ADAMTSL4: variants seen among roughly 807,000 people sequenced by gnomAD.
The protein encoded by ADAMTSL4 is ADAMTS like 4.
In ADAMTSL4, 97 loss-of-function variants were observed where a neutral mutation model predicts 122.8. The ratio of observed to expected loss-of-function variants is 0.79; its 90% CI spans 0.67 to 0.93. The LOEUF (loss-of-function observed/expected upper bound fraction) is 0.93. ADAMTSL4 is among the 40% of genes least tolerant of loss of function. The probability of loss-of-function intolerance (pLI) is 0.00; values close to 1 mark genes in which losing one functional copy is unlikely to be tolerated. For missense variants in ADAMTSL4, 1,408 were observed against 1,453.5 expected (o/e 0.97, Z 0.51); for synonymous variants, 592 against 568.0 (o/e 1.04, Z -0.60).
chr1:150,560,342 C>G lies in ADAMTSL4; in HGVS notation c.*146C>G, dbSNP rs1422441411. 1 of 1,299,818 alleles carries G rather than the reference C, an allele frequency of 7.7e-7. No individual in the cohort carries two copies. The highest frequency in any genetic ancestry group is 2.5e-5 in the East Asian group (1 of 39,536). The allele number at this position is 1,299,818 out of a possible 1,614,324, so 80.5% of individuals were successfully genotyped here. A position where few individuals can be genotyped will look rare whatever the true frequency, so the allele number is the denominator to read the frequency against. On this transcript the variant is annotated 3_prime_UTR_variant, in exon 19 of 19. Transcript: ENST00000271643. Reference sequence around the variant, plus strand: ...ACAGAGGGTGGCAAGGTGACTGACACAAAGTGACTTTCAGGGCTGTGGTCA... The same window carrying G: ...ACAGAGGGTGGCAAGGTGACTGACAGAAAGTGACTTTCAGGGCTGTGGTCA...
At position 150,558,962 on chromosome 1, in the gene ADAMTSL4, T is replaced by C. The variant is rs1469897939; in HGVS notation, c.2560T>C (p.Cys854Arg). 1.2e-6 allele frequency: 2 copies of C among 1,605,958 alleles called. No homozygotes were observed. The highest frequency in any genetic ancestry group is 1.7e-6 in the Non-Finnish European group (2 of 1,177,892). Residue 854 changes from cysteine (C) to arginine (R), a missense_variant and splice_region_variant, in exon 16 of 19, where the codon TGC becomes CGC. Physicochemically the swap from Cys to Arg is radical, Grantham distance 180. Coordinates refer to ENST00000271643, the MANE Select transcript of ADAMTSL4 (RefSeq NM_019032.6). ...CACAGGCCGCTCTCCTCCTCCGCAG[T>C]GCTCAGCCGAGTGTGGGACGGGAAT... ...AWFHSDWSSK[C>R]SAECGTGIQR...
chr1:150,552,340 G>A lies in ADAMTSL4; in HGVS notation c.20+32G>A, dbSNP rs748533633. 2.4e-5 allele frequency: 37 copies of A among 1,552,544 alleles called. No individual in the cohort carries two copies. In the African/African-American group the frequency reaches 4.9e-4, roughly 21 times the overall value. ...GAAGGGGCCACGGGTTGGGGGGGAG[G>A]AAAAGGGGAGGTGCTGGGATGGCTC... On this transcript the variant is annotated intron_variant, in intron 3 of 18. Transcript: ENST00000271643. This position sits in a 1 kb window ranked among gnomAD's most constrained non-coding sequence, Gnocchi z 4.0.
chr1:150,558,576 A>C lies in ADAMTSL4; in HGVS notation c.2486A>C (p.Gln829Pro). ...SEQECASGPP[Q>P]PPSREACDMG... ...CAGGAGTGTGCGTCAGGCCCCCCGC[A>C]GCCCCCCAGCAGAGAGGCCTGTGAC... Residue 829 changes from glutamine to proline, a missense_variant, in exon 15 of 19, where the codon CAG becomes CCG. Transcript: ENST00000271643. 1 of 1,613,150 alleles carries C rather than the reference A, an allele frequency of 6.2e-7. No homozygotes were observed. Among genetic ancestry groups the C allele is most frequent in the Non-Finnish European group, 8.5e-7 (1 of 1,179,296 alleles).
chr1:150,553,985 C>T lies in ADAMTSL4; in HGVS notation c.994C>T (p.Pro332Ser). 6.2e-7 allele frequency: 1 copy of T among 1,611,694 alleles called. No individual in the cohort carries two copies. Among genetic ancestry groups the T allele is most frequent in the Non-Finnish European group, 8.5e-7 (1 of 1,179,452 alleles). ...TPHGPRLEPD[P>S]QHPGAWLPLL... ...TCACGGGCCCCGCCTGGAGCCTGAC[C>T]CTCAGCACCCGGGCGCCTGGCTGCC... The change falls in exon 6 of 19, where the codon CCT becomes TCT. Residue 332 changes from proline (P) to serine (S), a missense_variant. Coordinates refer to ENST00000271643, the MANE Select transcript of ADAMTSL4 (RefSeq NM_019032.6).
At position 150,552,698 on chromosome 1, in the gene ADAMTSL4, C is replaced by T. The variant is rs1671547697; in HGVS notation, c.78+98C>T. 1.4e-6 allele frequency: 2 copies of T among 1,478,126 alleles called. No individual in the cohort carries two copies. Among genetic ancestry groups the T allele is most frequent in the Non-Finnish European group, 9.3e-7 (1 of 1,080,868 alleles). The allele number at this position is 1,478,126 out of a possible 1,614,324, so 91.6% of individuals were successfully genotyped here. A position where few individuals can be genotyped will look rare whatever the true frequency, so the allele number is the denominator to read the frequency against. ...CTCTCCAGGCCACGCCTCCATTCCCCACAGCCCACCCACCTCCCCTGCCAA... is the reference window on the plus strand; with the variant it reads ...CTCTCCAGGCCACGCCTCCATTCCCTACAGCCCACCCACCTCCCCTGCCAA... On this transcript the variant is annotated intron_variant, in intron 4 of 18. Coordinates refer to ENST00000271643, the MANE Select transcript of ADAMTSL4 (RefSeq NM_019032.6). This position sits in a 1 kb window ranked among gnomAD's most constrained non-coding sequence, Gnocchi z 4.0.
At position 150,557,240 on chromosome 1, in the gene ADAMTSL4, T is replaced by C. The variant is rs755834546; in HGVS notation, c.1952T>C (p.Met651Thr). ...CAGCGTCAGGTGCGGATCCCCCAGA[T>C]GCCCGCCCCGCCCCATCCCAGGACA... ...TLQRQVRIPQ[M>T]PAPPHPRTPL... The change falls in exon 12 of 19, where the codon ATG becomes ACG. Residue 651 changes from methionine (M) to threonine (T), a missense_variant. By Grantham distance (81) the Met-to-Thr change is moderately conservative. Coordinates refer to ENST00000271643, the MANE Select transcript of ADAMTSL4 (RefSeq NM_019032.6). The C allele has an allele frequency of 6.2e-7, 1 of 1,610,276 alleles. No individual in the cohort carries two copies. Among genetic ancestry groups the C allele is most frequent in the Non-Finnish European group, 8.5e-7 (1 of 1,178,830 alleles).
At position 150,558,971 on chromosome 1, in the gene ADAMTSL4, G is replaced by A. The variant is rs201050879; in HGVS notation, c.2569G>A (p.Glu857Lys). ...CTCTCCTCCTCCGCAGTGCTCAGCC[G>A]AGTGTGGGACGGGAATCCAGCGGCG... ...HSDWSSKCSA[E>K]CGTGIQRRSV... Residue 857 changes from glutamate (E) to lysine (K), a missense_variant, in exon 16 of 19, where the codon GAG (glutamate) becomes AAG (lysine). Transcript: ENST00000271643. 153 of 1,608,602 alleles carry A rather than the reference G, an allele frequency of 9.5e-5. No homozygotes were observed. Among genetic ancestry groups the A allele is most frequent in the Admixed American group, 3.5e-4 (21 of 59,286 alleles).
In ADAMTSL4 at chr1:150,552,548, G is replaced by C. The variant is rs367669399; in HGVS notation, c.26G>C (p.Trp9Ser). Residue 9 changes from tryptophan (W) to serine (S), a missense_variant, in exon 4 of 19, where the codon TGG becomes TCG. By Grantham distance (177) the Trp-to-Ser change is radical. Transcript: ENST00000271643. The surrounding 1 kb of genome is among the most constrained non-coding windows in gnomAD (Gnocchi z 4.0). MENWTGRP[W>S]LYLLLLLSLP... ...CCCTGGCCTTTGGTTTGCAGGCCCT[G>C]GCTGTATCTGCTGCTGCTTCTGTCC... 9.9e-6 allele frequency: 16 copies of C among 1,613,906 alleles called. No homozygotes were observed. In the African/African-American group the frequency reaches 1.7e-4, roughly 18 times the overall value.
rs1671822970 is a variant in ADAMTSL4 at position 150,554,641 on chromosome 1, G to A, written c.1234+174G>A. On this transcript the variant is annotated intron_variant, in intron 7 of 18. Transcript: ENST00000271643. This position sits in a 1 kb window ranked among gnomAD's most constrained non-coding sequence, Gnocchi z 4.0. The stretch of plus-strand genomic sequence containing the variant: ...TCAGGAGACAGCACAGGTGGTGAGT[G>A]GTCTGCAGAAGGGTCGGGGTGGGAG... 1.3e-6 allele frequency: 2 copies of A among 1,541,432 alleles called. No individual in the cohort carries two copies. Among genetic ancestry groups the A allele is most frequent in the Non-Finnish European group, 1.7e-6 (2 of 1,146,942 alleles).
Position 150,552,614 on chromosome 1 carries a change from A to G in ADAMTSL4, c.78+14A>G. ...TTGGATCAGGAGGTGAGTTCTGGAC[A>G]AGTGAGCAGCTGCAGCCTGCCTGCC... On this transcript the variant is annotated intron_variant, in intron 4 of 18. Transcript: ENST00000271643. This position sits in a 1 kb window ranked among gnomAD's most constrained non-coding sequence, Gnocchi z 4.0. 1 of 1,611,650 alleles carries G rather than the reference A, an allele frequency of 6.2e-7. No individual in the cohort carries two copies. The highest frequency in any genetic ancestry group is 8.5e-7 in the Non-Finnish European group (1 of 1,179,192).
At chr1:150,555,380 A>G (rs1671917293) in intron 7 of ADAMTSL4, 49 bp from the exon 8 acceptor site, 1 of 1,610,978 alleles carries the variant, frequency 6.2e-7, no homozygotes, top group East Asian at 2.2e-5. Context: ...TCTCTCAGCT[A>G]ACCTCCCACC....
In ADAMTSL4 at chr1:150,556,771, C is replaced by T. The variant is rs1349207325; in HGVS notation, c.1727C>T (p.Thr576Ile). 1 of 1,613,344 alleles carries T rather than the reference C, an allele frequency of 6.2e-7. No individual in the cohort carries two copies. The highest frequency in any genetic ancestry group is 1.1e-5 in the South Asian group (1 of 91,072). Residue 576 changes from threonine (T) to isoleucine (I), a missense_variant, in exon 10 of 19, where the codon ACC becomes ATC. Transcript: ENST00000271643. This position sits in a 1 kb window ranked among gnomAD's most constrained non-coding sequence, Gnocchi z 4.1. ...GAGAGTCTGTCGGCTGAAGGCCCCA[C>T]CACCCAGCCTGTGGATGTCTATGTG... ...KGESLSAEGPTTQPVDVYMIF... is the reference protein window; with the variant it reads ...KGESLSAEGPITQPVDVYMIF...
rs1019410473 is a variant in ADAMTSL4, at chr1:150,554,802, G to C, written c.1234+335G>C. The C allele has an allele frequency of 5.4e-6, 4 of 737,680 alleles. No homozygotes were observed. The Admixed American group carries it at 1.1e-4, about 20-fold the overall frequency. The allele number at this position is 737,680 out of a possible 1,614,324, so 45.7% of individuals were successfully genotyped here. On this transcript the variant is annotated intron_variant, in intron 7 of 18. Coordinates refer to ENST00000271643, the MANE Select transcript of ADAMTSL4 (RefSeq NM_019032.6). This position sits in a 1 kb window ranked among gnomAD's most constrained non-coding sequence, Gnocchi z 4.0. The stretch of plus-strand genomic sequence containing the variant: ...TGACAGCCAGGTGGGGGTGTGCCAC[G>C]CATCCTGGGCACTGTCGTATCGGTT...
rs1230081191 is a variant in ADAMTSL4 at position 150,549,979 on chromosome 1, C to T, written c.-85+84C>T. On this transcript the variant is annotated intron_variant, in intron 2 of 18. Transcript: ENST00000271643. This position sits in a 1 kb window ranked among gnomAD's most constrained non-coding sequence, Gnocchi z 5.0. ...CACCTGTTGGGGTGGCCTGCCAGAC[C>T]CAGGAGTGGAGGGCTCTGAGGGCCC... 3 of 218,862 alleles carry T rather than the reference C, an allele frequency of 1.4e-5. No individual in the cohort carries two copies. Among genetic ancestry groups the T allele is most frequent in the South Asian group, 4.1e-5 (1 of 24,158 alleles). 13.6% of individuals were successfully genotyped at this position (218,862 alleles called of 1,614,324 possible).
At position 150,552,976 on chromosome 1, in the gene ADAMTSL4, T is replaced by C; in HGVS notation, c.157T>C (p.Trp53Arg). The change falls in exon 5 of 19, where the codon TGG becomes CGG. Residue 53 changes from tryptophan to arginine, a missense_variant. Coordinates refer to ENST00000271643, the MANE Select transcript of ADAMTSL4 (RefSeq NM_019032.6). The surrounding 1 kb of genome is among the most constrained non-coding windows in gnomAD (Gnocchi z 4.0). ...PEGVWGPWVQWASCSQPCGVG... is the reference protein window; with the variant it reads ...PEGVWGPWVQRASCSQPCGVG... The stretch of plus-strand genomic sequence containing the variant: ...AGGTGTCTGGGGACCTTGGGTCCAG[T>C]GGGCCTCTTGCTCCCAGCCCTGCGG... 1 of 1,613,182 alleles carries C rather than the reference T, an allele frequency of 6.2e-7. No homozygotes were observed. Among genetic ancestry groups the C allele is most frequent in the Non-Finnish European group, 8.5e-7 (1 of 1,179,958 alleles).
At position 150,556,051 on chromosome 1, in the gene ADAMTSL4, C is replaced by A; in HGVS notation, c.1372-111C>A. On this transcript the variant is annotated intron_variant, in intron 8 of 18. Transcript: ENST00000271643. This position sits in a 1 kb window ranked among gnomAD's most constrained non-coding sequence, Gnocchi z 4.1. ...GATGGTGGGGCTGTTTTTGTGCTCT[C>A]ACTTGTGGCACAAAAAGCAGGGTAG... 1 of 1,182,668 alleles carries A rather than the reference C, an allele frequency of 8.5e-7. No individual in the cohort carries two copies. The highest frequency in any genetic ancestry group is 1.2e-6 in the Non-Finnish European group (1 of 812,764). 73.3% of individuals were successfully genotyped at this position (1,182,668 alleles called of 1,614,324 possible).
intron 2 of ADAMTSL4, chr1:150,550,996 T>G (rs1171446609): frequency 2.2e-6 from 1 of 455,996 alleles, no homozygotes; most frequent in Non-Finnish European, 4.4e-6. Flanking sequence ...AAACAGATTT[T>G]TTTTTTCCTG....
chr1:150,554,096 G>A lies in ADAMTSL4; in HGVS notation c.1105G>A (p.Glu369Lys), dbSNP rs1470179475. The change falls in exon 6 of 19, where the codon GAA (glutamate) becomes AAA (lysine). Residue 369 changes from glutamate to lysine, a missense_variant. Physicochemically the swap from Glu to Lys is moderately conservative, Grantham distance 56. Transcript: ENST00000271643. The surrounding 1 kb of genome is among the most constrained non-coding windows in gnomAD (Gnocchi z 4.0). ...SPIPRCSGESEQLRACSQAPC... is the reference protein window; with the variant it reads ...SPIPRCSGESKQLRACSQAPC... ...TATTCCAAGATGTTCTGGGGAGAGT[G>A]AACAGCTAAGAGCCTGCAGCCAAGC... 6.2e-7 allele frequency: 1 copy of A among 1,600,514 alleles called. No individual in the cohort carries two copies. The highest frequency in any genetic ancestry group is 1.1e-5 in the South Asian group (1 of 91,058).
chr1:150,559,618 A>G lies in ADAMTSL4; in HGVS notation c.2944-143A>G, dbSNP rs1203456533. The G allele has an allele frequency of 1.9e-6, 3 of 1,554,218 alleles. No individual in the cohort carries two copies. Among genetic ancestry groups the G allele is most frequent in the African/African-American group, 2.7e-5 (2 of 73,630 alleles). On this transcript the variant is annotated intron_variant, in intron 17 of 18. Coordinates refer to ENST00000271643, the MANE Select transcript of ADAMTSL4 (RefSeq NM_019032.6). This position sits in a 1 kb window ranked among gnomAD's most constrained non-coding sequence, Gnocchi z 4.1. ...TCCTACTTCTTATAGACTTGGAGGA[A>G]AGATGGGCCCTCTCCATTTGGGATT...
Sources: gnomAD v4.1 joint callset for allele counts on GRCh38, gnomAD v4.1.1 for gene constraint, Gnocchi (gnomAD v3.1) non-coding constraint, MANE v1.5 for transcripts, NCBI Gene and HGNC (gene_info 2026-07-23, HGNC 2026-07-21) for gene names.